Variants in RBCK1 observed in about 807,000 individuals in gnomAD.
The protein encoded by RBCK1 is ranBP-type and C3HC4-type zinc finger-containing protein 1.
RBCK1 carries 44 observed loss-of-function variants against 71.1 expected under a neutral mutation model. The observed-to-expected ratio is 0.62, with a 90% confidence interval of 0.49 to 0.80. The LOEUF (loss-of-function observed/expected upper bound fraction) is 0.80, where lower values mean the gene tolerates loss of function less well. Among genes scored for constraint, RBCK1 ranks in the 30% least tolerant of loss-of-function variants. RBCK1 has a pLI of 0.00. For synonymous variants in RBCK1, 306 were observed against 279.7 expected, an observed-to-expected ratio of 1.09 and a Z score of -0.94; for missense variants, 569 against 685.0, an observed-to-expected ratio of 0.83 and a Z score of 1.89.
intron 9 of RBCK1, among the ~76,000 whole-genome samples, chr20:427,966 G>A (rs951977673): frequency 2.6e-5 from 4 of 152,220 alleles, no homozygotes; most frequent in Non-Finnish European, 2.9e-5. Context: ...GTCTCCACCC[G>A]TGTCCTCAAC....
At chr20:420,400 T>C (rs1412341480) in intron 6 of RBCK1, 2 of 983,918 alleles carry the variant, frequency 2.0e-6, no homozygotes, top group African/African-American at 3.5e-5. Flanking sequence ...GTGCTGCCCC[T>C]GGCCACCCCA....
rs1358467254 is a variant in RBCK1 at position 420,886 on chromosome 20, C to T, written c.772C>T (p.Gln258Ter). 7 of 1,553,736 alleles carry T rather than the reference C, an allele frequency of 4.5e-6. No individual in the cohort carries two copies. Among genetic ancestry groups the T allele is most frequent in the Non-Finnish European group, 6.1e-6 (7 of 1,151,216 alleles). ...RQYQQRKQQQ[Q>*]EGNYLQHVQL... ...GTGTGCCCAGCGGAAGCAGCAGCAG[C>T]AGGAGGGGAACTACCTGCAGCACGT... The change falls in exon 7 of 12, where the codon CAG becomes TAG. Residue 258 changes from glutamine (Q) to a stop codon, truncating the protein, a stop_gained. Transcript: ENST00000356286. LOFTEE classifies it high-confidence loss of function.
rs753505499 is a variant in RBCK1, at chr20:428,602, CAG to C, written c.1308+14_1308+15del. ...AGAGATGCTGAAGGTGAGGCTGGGA[CAG>C]GGCCGAGGCCTAGGGATTTTAAGTT... On this transcript the variant is annotated intron_variant, in intron 10 of 11. Transcript: ENST00000356286. This position sits in a 1 kb window ranked among gnomAD's most constrained non-coding sequence, Gnocchi z 5.7. The C allele has an allele frequency of 6.2e-7, 1 of 1,601,608 alleles. No homozygotes were observed. The highest frequency in any genetic ancestry group is 8.5e-7 in the Non-Finnish European group (1 of 1,174,308).
chr20:415,236 T>TG (rs2122208859), intron 2 of RBCK1, among the ~76,000 whole-genome samples: 2 of 152,176 alleles, frequency 1.3e-5, no homozygotes, highest in Non-Finnish European at 2.9e-5. Flanking sequence ...GGCATGGTGG[T>TG]GCGCCCATCT....
Position 427,380 on chromosome 20 carries a change from C to T in RBCK1, c.1097C>T (p.Ala366Val). 6.2e-7 allele frequency: 1 copy of T among 1,614,180 alleles called. No individual in the cohort carries two copies. Among genetic ancestry groups the T allele is most frequent in the Admixed American group, 1.7e-5 (1 of 60,018 alleles). The change falls in exon 9 of 12, where the codon GCC becomes GTC. Residue 366 changes from alanine to valine, a missense_variant. Physicochemically the swap from Ala to Val is moderately conservative, Grantham distance 64. Coordinates refer to ENST00000356286, the MANE Select transcript of RBCK1 (RefSeq NM_031229.4). ...ATCTCCATTGCTGAAAACCGCAGTG[C>T]CTTCAGCTACCATTGCAAGACCCCA... The part of the protein sequence containing the change: ...LGISIAENRS[A>V]FSYHCKTPDC...
intron 11 of RBCK1, 140 bp downstream of exon 11, chr20:429,234 T>C (rs2016896387): frequency 7.8e-7 from 1 of 1,277,822 alleles, no homozygotes; most frequent in Non-Finnish European, 1.0e-6. Flanking sequence ...GAATTTTTTT[T>C]TTTTTTTTTG....
In RBCK1 at chr20:420,952, G is replaced by C; in HGVS notation, c.838G>C (p.Ala280Pro). The C allele has an allele frequency of 6.4e-7, 1 of 1,556,818 alleles. No homozygotes were observed. Among genetic ancestry groups the C allele is most frequent in the Admixed American group, 1.9e-5 (1 of 52,010 alleles). The change falls in exon 7 of 12, where the codon GCC becomes CCC. Residue 280 changes from alanine (A) to proline (P), a missense_variant. Coordinates refer to ENST00000356286, the MANE Select transcript of RBCK1 (RefSeq NM_031229.4). Reference protein sequence around the residue: ...QRSLVLNTEPAECPVCYSVLA... With the variant: ...QRSLVLNTEPPECPVCYSVLA... ...GAGCCTGGTGCTGAACACGGAGCCC[G>C]CCGAGTGCCCCGTGTGCTACTCGGT... is the stretch of plus-strand genomic sequence containing the variant.
At chr20:415,234 GGT>G (rs923233864) in intron 2 of RBCK1, among the ~76,000 whole-genome samples, 1 of 152,080 alleles carries the variant, frequency 6.6e-6, no homozygotes, top group African/African-American at 2.4e-5. Context: ...TAGGCATGGT[GGT>G]GCGCCCATCT....
At chr20:410,237 CAT>C (rs1025589351) in intron 2 of RBCK1, among the ~76,000 whole-genome samples, 16 of 152,188 alleles carry the variant, frequency 1.1e-4, no homozygotes, top group African/African-American at 3.9e-4. Flanking sequence ...GTAGCTATCT[CAT>C]AGGGTTGTTA....
At chr20:423,943 G>A (rs1405047661) in intron 8 of RBCK1, among the ~76,000 whole-genome samples, 3 of 152,196 alleles carry the variant, frequency 2.0e-5, no homozygotes, top group African/African-American at 7.2e-5. Context: ...TGTCATGGTG[G>A]TCTCAAGGTT....
intron 7 of RBCK1, 63 bp downstream of exon 7, chr20:421,094 T>G: frequency 1.4e-6 from 2 of 1,465,198 alleles, no homozygotes; most frequent in Non-Finnish European, 1.8e-6. Flanking sequence ...TACGCAGGGC[T>G]GGACGTGGGT....
Position 417,946 on chromosome 20 carries a change from G to A in RBCK1, c.460+16G>A. 5.6e-6 allele frequency: 9 copies of A among 1,598,618 alleles called. No homozygotes were observed. The highest frequency in any genetic ancestry group is 7.6e-6 in the Non-Finnish European group (9 of 1,178,112). On this transcript the variant is annotated intron_variant, in intron 4 of 11. Transcript: ENST00000356286. This position sits in a 1 kb window ranked among gnomAD's most constrained non-coding sequence, Gnocchi z 4.7. ...ATGCTGGAAGGTGAGGCTCTGCCCT[G>A]AGCACCGCCGGACCCAGCGGGGGCC... is the stretch of plus-strand genomic sequence containing the variant.
chr20:410,984 C>G (rs2015672755), intron 2 of RBCK1, among the ~76,000 whole-genome samples: 1 of 152,122 alleles, frequency 6.6e-6, no homozygotes, highest in Non-Finnish European at 1.5e-5. Context: ...TTTTCATCAT[C>G]CTGTAAAGAA....
intron 11 of RBCK1, among the ~76,000 whole-genome samples, chr20:429,823 C>T (rs994163725): frequency 6.6e-6 from 1 of 152,220 alleles, no homozygotes; most frequent in African/African-American, 2.4e-5. Flanking sequence ...CTGGCTCTGG[C>T]ACATACTGAC....
chr20:424,783 C>T (rs1201629976), intron 8 of RBCK1, among the ~76,000 whole-genome samples: 3 of 152,170 alleles, frequency 2.0e-5, no homozygotes, highest in Admixed American at 1.3e-4. Context: ...ATGAACTTCC[C>T]TGGAGCCCAC....
At chr20:410,096 T>C in intron 2 of RBCK1, 71 bp downstream of exon 2, 1 of 1,513,700 alleles carries the variant, frequency 6.6e-7, no homozygotes, top group Admixed American at 2.1e-5. Flanking sequence ...AGAACAGTTC[T>C]TCCTAATGGC....
At chr20:420,664 T>G (rs2122260254) in intron 6 of RBCK1, 2 of 880 alleles carry the variant, frequency 2.3e-3, no homozygotes, top group Non-Finnish European at 1.4e-3. Context: ...TGCCTGCTCC[T>G]GCCCATCCCC....
At chr20:429,151 G>A in intron 11 of RBCK1, 57 bp downstream of exon 11, 19 of 1,552,066 alleles carry the variant, frequency 1.2e-5, no homozygotes, top group Non-Finnish European at 1.7e-5. Flanking sequence ...TTGCCTTAGA[G>A]GAGGGCTGGG....
In RBCK1 at chr20:417,818, C is replaced by T; in HGVS notation, c.348C>T (p.Ser116=). 1 of 1,614,120 alleles carries T rather than the reference C, an allele frequency of 6.2e-7. No individual in the cohort carries two copies. The highest frequency in any genetic ancestry group is 1.3e-5 in the African/African-American group (1 of 75,050). Residue 116 remains serine, a synonymous_variant, in exon 4 of 12, where the codon TCC becomes TCT. Transcript: ENST00000356286. The surrounding 1 kb of genome is among the most constrained non-coding windows in gnomAD (Gnocchi z 4.7). ...CACGAGACCAGGAGACCCTGCACTC[C>T]CATGGGGTGCGGCAGAATGGGGACA... ...RLARDQETLH[S]HGVRQNGDSA... is the part of the protein sequence containing the mutation.
Sources: gnomAD v4.1 joint callset for allele counts (sites outside exome capture counted in the v4.1 genomes callset) on GRCh38, gnomAD v4.1.1 for gene constraint, Gnocchi (gnomAD v3.1) non-coding constraint, MANE v1.5 for transcripts, NCBI Gene and HGNC (gene_info 2026-07-23, HGNC 2026-07-21) for gene names.